SLC14A2: variants seen among roughly 807,000 people sequenced by gnomAD.
SLC14A2 encodes solute carrier family 14 member 2, also known as urea transporter 2.
A neutral mutation model predicts 104.6 loss-of-function variants in SLC14A2; 91 were observed. The observed-to-expected ratio is 0.87, with a 90% CI of 0.73 to 1.04. The LOEUF is 1.04. SLC14A2 is among the 50% of genes least tolerant of loss of function. SLC14A2 has a pLI of 0.00. For missense variants in SLC14A2, 1,189 were observed against 1,156.0 expected (o/e 1.03, Z -0.41); for synonymous variants, 476 against 466.4 (o/e 1.02, Z -0.27).
At chr18:45,186,456 T>C in the SLC14A2 span, among the ~76,000 whole-genome samples, 1 of 152,182 alleles carries the variant, frequency 6.6e-6, no homozygotes. Context: ...ACTCAGAGAT[T>C]TAAATGTAAA....
intron 1 of SLC14A2, among the ~76,000 whole-genome samples, chr18:45,619,546 A>G (rs1398790598): frequency 6.6e-6 from 1 of 152,204 alleles, no homozygotes; most frequent in Non-Finnish European, 1.5e-5. Context: ...GGACTGATCC[A>G]AACAGCCTCT....
At chr18:45,669,196 C>A in intron 15 of SLC14A2, 110 bp from the exon 16 acceptor site, 1 of 859,820 alleles carries the variant, frequency 1.2e-6, no homozygotes, top group East Asian at 2.6e-5. Flanking sequence ...CAGAGAATAC[C>A]CAGCAGGCTG....
At position 45,675,709 on chromosome 18, in the gene SLC14A2, A is replaced by ATATATATATT. The variant is rs57989993; in HGVS notation, c.2512+1893_2512+1894insATATATATTT. ...TCTATATATATATATATATATATATATTTTTTTTTTTTTTTTTTTTGGAGA... is the reference window on the plus strand; with the variant it reads ...TCTATATATATATATATATATATATATATATATATTTTTTTTTTTTTTTTTTTTTTGGAGA... On this transcript the variant is annotated intron_variant, in intron 18 of 19. Transcript: ENST00000255226. 1.6e-3 allele frequency among the ~76,000 whole-genome samples: 123 copies of ATATATATATT among 78,380 alleles called. 1 individual carries two copies. The highest frequency in any genetic ancestry group is 5.0e-3 in the African/African-American group (102 of 20,390). The allele number at this position is 78,380 out of a possible 152,430, so 51.4% of individuals were successfully genotyped here. A position where few individuals can be genotyped will look rare whatever the true frequency, so the allele number is the denominator to read the frequency against.
intron 2 of SLC14A2, among the ~76,000 whole-genome samples, chr18:45,512,824 G>T (rs1359623965): frequency 6.6e-6 from 1 of 152,150 alleles, no homozygotes; most frequent in Admixed American, 6.5e-5. Flanking sequence ...GAGCTGGAAG[G>T]GTGGGAAGGC....
intron 1 of SLC14A2, among the ~76,000 whole-genome samples, chr18:45,350,316 G>C (rs1160133726): frequency 2.6e-5 from 4 of 152,146 alleles, no homozygotes; most frequent in Non-Finnish European, 5.9e-5. Context: ...CACCATTTTT[G>C]ATATCTCTGA....
At position 45,406,886 on chromosome 18, in the gene SLC14A2, C is replaced by T. The variant is rs536842384; in HGVS notation, c.-124-76347C>T. 1.4e-4 allele frequency among the ~76,000 whole-genome samples: 22 copies of T among 152,130 alleles called. No individual in the cohort carries two copies. The East Asian group carries it at 2.9e-3, about 20-fold the overall frequency. ...GCTTAAAATATTCATTCAACCATAACGTAAACAGATGAGCTATCATTTAGG... is the reference window on the plus strand; with the variant it reads ...GCTTAAAATATTCATTCAACCATAATGTAAACAGATGAGCTATCATTTAGG... On this transcript the variant is annotated intron_variant, in intron 1 of 20. Transcript: ENST00000586448.
chr18:45,391,405 A>T (rs1319930106), intron 1 of SLC14A2, among the ~76,000 whole-genome samples: 9 of 152,180 alleles, frequency 5.9e-5, no homozygotes, highest in East Asian at 1.9e-4. Context: ...TGTGTCTTTA[A>T]AGCAGCATGA....
chr18:45,564,403 T>TG (rs2044240621), intron 2 of SLC14A2, among the ~76,000 whole-genome samples: 1 of 152,226 alleles, frequency 6.6e-6, no homozygotes, highest in Admixed American at 6.5e-5. Context: ...CTGCATCCCT[T>TG]TCATGGCACA....
intron 1 of SLC14A2, among the ~76,000 whole-genome samples, chr18:45,396,332 A>G (rs1269899810): frequency 1.3e-5 from 2 of 152,208 alleles, no homozygotes; most frequent in African/African-American, 4.8e-5. Flanking sequence ...GAGCATGTCC[A>G]GGGCAGAGTC....
chr18:45,409,350 TG>T (rs1282815093), intron 1 of SLC14A2, among the ~76,000 whole-genome samples: 1 of 152,204 alleles, frequency 6.6e-6, no homozygotes, highest in Non-Finnish European at 1.5e-5. Context: ...AAATTGGTTC[TG>T]GGGGTCATGT....
rs531140259 is a variant in SLC14A2, at chr18:45,579,510, T to C, written c.-34-45121T>C. On this transcript the variant is annotated intron_variant, in intron 2 of 20. Transcript: ENST00000586448. The stretch of plus-strand genomic sequence containing the variant: ...GCTTTATAGGCTAGTTATTTTCAAA[T>C]GTTTCAAAATTATATTTTCTTCTAA... Among the ~76,000 whole-genome samples the C allele has an allele frequency of 3.3e-5, 5 of 152,382 alleles. No individual in the cohort carries two copies. In the South Asian group the frequency reaches 1.0e-3, roughly 32 times the overall value.
intron 1 of SLC14A2, among the ~76,000 whole-genome samples, chr18:45,381,330 T>C (rs2085832444): frequency 6.6e-6 from 1 of 152,240 alleles, no homozygotes; most frequent in Admixed American, 6.5e-5. Context: ...CATCATGGGA[T>C]ATTAGATTTG....
chr18:45,267,912 A>G (rs960923494), intron 1 of SLC14A2, among the ~76,000 whole-genome samples: 2 of 152,166 alleles, frequency 1.3e-5, no homozygotes, highest in African/African-American at 4.8e-5. Context: ...GCGTGGACTA[A>G]AGGATGTGCC....
intron 2 of SLC14A2, among the ~76,000 whole-genome samples, chr18:45,598,057 G>A (rs1682394): frequency 0.27 from 41,106 of 151,856 alleles, 5,628 homozygotes; most frequent in African/African-American, 0.33. Flanking sequence ...GCATTTTACT[G>A]AATGGGACTT....
intron 1 of SLC14A2, among the ~76,000 whole-genome samples, chr18:45,305,054 G>A (rs144146928): frequency 1.9e-4 from 29 of 152,352 alleles, no homozygotes; most frequent in Non-Finnish European, 3.5e-4. Context: ...ATACAAATGA[G>A]TGCCTCTAGC....
intron 1 of SLC14A2, among the ~76,000 whole-genome samples, chr18:45,261,550 C>T (rs201074794): frequency 1.3e-5 from 2 of 151,444 alleles, no homozygotes; most frequent in Non-Finnish European, 2.9e-5. Flanking sequence ...TAATGCTATC[C>T]CTCCCCTCTC....
At chr18:45,609,824 C>CA (rs1356682195) in intron 2 of SLC14A2, among the ~76,000 whole-genome samples, 1 of 152,208 alleles carries the variant, frequency 6.6e-6, no homozygotes, top group Non-Finnish European at 1.5e-5. Context: ...GCCATTGCTT[C>CA]AACCCTGAGC....
At chr18:45,541,202 CAT>C (rs2043878622) in intron 2 of SLC14A2, among the ~76,000 whole-genome samples, 1 of 152,176 alleles carries the variant, frequency 6.6e-6, no homozygotes, top group African/African-American at 2.4e-5. Flanking sequence ...ATGATTCAGC[CAT>C]ATGTGTGTAT....
intron 2 of SLC14A2, among the ~76,000 whole-genome samples, chr18:45,503,891 T>G (rs2043241043): frequency 2.0e-5 from 3 of 152,226 alleles, no homozygotes; most frequent in East Asian, 3.9e-4. Context: ...TTGCAGATTC[T>G]GAACCTCAGG....
Sources: gnomAD v4.1 joint callset for allele counts (sites outside exome capture counted in the v4.1 genomes callset) on GRCh38, gnomAD v4.1.1 for gene constraint, MANE v1.5 for transcripts, NCBI Gene and HGNC (gene_info 2026-07-23, HGNC 2026-07-21) for gene names.